Variants in PLA2G10 observed in about 807,000 individuals in gnomAD.
The protein encoded by PLA2G10 is group 10 secretory phospholipase A2.
A neutral mutation model predicts 7.9 loss-of-function variants in PLA2G10; 9 were observed. That is an observed-to-expected ratio of 1.14 (90% CI 0.68 to 1.98). PLA2G10 has a LOEUF of 1.98. Ranked by LOEUF, PLA2G10 falls within the 30% of genes most tolerant of loss-of-function variation. The pLI is 0.00. For synonymous variants in PLA2G10, 19 were observed against 27.5 expected (o/e 0.69, Z 0.97); for missense variants, 53 against 65.4 (o/e 0.81, Z 0.66).
chr16:14,672,772 G>A, intron 3 of PLA2G10, 23 bp from the exon 4 acceptor site: 2 of 1,613,078 alleles, frequency 1.2e-6, no homozygotes, highest in East Asian at 2.2e-5. Flanking sequence ...GGGAAACTGA[G>A]ATTAGAGCAG....
chr16:14,675,081 G>A (rs1228203302), intron 3 of PLA2G10, among the ~76,000 whole-genome samples: 1 of 151,886 alleles, frequency 6.6e-6, no homozygotes, highest in Non-Finnish European at 1.5e-5. Context: ...TGAGGCAGAA[G>A]GATCGCTTGA....
intron 3 of PLA2G10, among the ~76,000 whole-genome samples, chr16:14,677,898 G>C (rs1213011092): frequency 6.6e-6 from 1 of 150,462 alleles, no homozygotes; most frequent in Non-Finnish European, 1.5e-5. Context: ...TGGATGGATA[G>C]ATGGAAGAAT....
At chr16:14,676,255 T>A (rs1485943472) in intron 3 of PLA2G10, among the ~76,000 whole-genome samples, 1 of 152,214 alleles carries the variant, frequency 6.6e-6, no homozygotes, top group Non-Finnish European at 1.5e-5. Flanking sequence ...GCCATCCCAC[T>A]ACTAGGTATC....
At chr16:14,681,567 A>C (rs1180179828) in intron 3 of PLA2G10, among the ~76,000 whole-genome samples, 2 of 152,096 alleles carry the variant, frequency 1.3e-5, no homozygotes, top group Non-Finnish European at 2.9e-5. Flanking sequence ...CCCGAGGCTT[A>C]AGTTTAAAAT....
chr16:14,686,190 C>T (rs1171499939), intron 3 of PLA2G10, among the ~76,000 whole-genome samples: 1 of 151,952 alleles, frequency 6.6e-6, no homozygotes, highest in African/African-American at 2.4e-5. Flanking sequence ...GATAGGGTTT[C>T]ACCATGTTGC....
chr16:14,684,188 T>C (rs1370225239), intron 3 of PLA2G10, among the ~76,000 whole-genome samples: 2 of 150,020 alleles, frequency 1.3e-5, no homozygotes, highest in Non-Finnish European at 3.0e-5. Context: ...TGAAACCCCG[T>C]CTCTACTAAA....
chr16:14,685,366 G>A (rs1179719429), intron 3 of PLA2G10, among the ~76,000 whole-genome samples: 5 of 145,322 alleles, frequency 3.4e-5, no homozygotes, highest in Admixed American at 6.9e-5. Flanking sequence ...GTGAGATTTC[G>A]TGTCAAAAAA....
At chr16:14,686,154 G>A (rs745842187) in intron 3 of PLA2G10, among the ~76,000 whole-genome samples, 15 of 151,342 alleles carry the variant, frequency 9.9e-5, no homozygotes, top group Non-Finnish European at 1.2e-4. Flanking sequence ...CCACCACACC[G>A]TGCTAGTTTT....
intron 3 of PLA2G10, among the ~76,000 whole-genome samples, chr16:14,683,453 C>A (rs1960951845): frequency 6.6e-6 from 1 of 151,834 alleles, no homozygotes; most frequent in African/African-American, 2.4e-5. Flanking sequence ...CCTGGCTGGT[C>A]TCGAACTCCT....
At chr16:14,679,431 G>A (rs1007492603) in intron 3 of PLA2G10, among the ~76,000 whole-genome samples, 2 of 152,004 alleles carry the variant, frequency 1.3e-5, no homozygotes, top group African/African-American at 4.8e-5. Flanking sequence ...GGAGGCCGAG[G>A]CGGGCAGTTC....
chr16:14,685,512 T>C (rs1165354427), intron 3 of PLA2G10, among the ~76,000 whole-genome samples: 1 of 151,968 alleles, frequency 6.6e-6, no homozygotes, highest in Middle Eastern at 3.2e-3. Context: ...GGTAACCTGG[T>C]AAGTTTACCA....
chr16:14,677,688 C>T (rs1232355126), intron 3 of PLA2G10, among the ~76,000 whole-genome samples: 1 of 152,020 alleles, frequency 6.6e-6, no homozygotes, highest in Non-Finnish European at 1.5e-5. Flanking sequence ...CAGAAGAAAC[C>T]CCATTCCCCT....
At chr16:14,687,013 C>T (rs1555518375) in intron 3 of PLA2G10, among the ~76,000 whole-genome samples, 1 of 151,660 alleles carries the variant, frequency 6.6e-6, no homozygotes, top group Non-Finnish European at 1.5e-5. Flanking sequence ...GAGGCTGAGG[C>T]AGGAGAATCA....
At chr16:14,682,224 T>G (rs1161168903) in intron 3 of PLA2G10, among the ~76,000 whole-genome samples, 1 of 152,200 alleles carries the variant, frequency 6.6e-6, no homozygotes, top group Non-Finnish European at 1.5e-5. Flanking sequence ...ATCATATTAA[T>G]TCAGCTTTGC....
At chr16:14,686,582 C>A (rs1421903171) in intron 3 of PLA2G10, among the ~76,000 whole-genome samples, 1 of 152,156 alleles carries the variant, frequency 6.6e-6, no homozygotes, top group Non-Finnish European at 1.5e-5. Context: ...CTCACTGCAA[C>A]CTGTGCCTCC....
At chr16:14,679,529 ACATGCCTGTAATCC>A (rs1001719827) in intron 3 of PLA2G10, among the ~76,000 whole-genome samples, 2 of 151,958 alleles carry the variant, frequency 1.3e-5, no homozygotes, top group African/African-American at 4.8e-5. Context: ...GTGTGGTGGC[ACATGCCTGTAATCC>A]CAGCTACTAG....
intron 3 of PLA2G10, among the ~76,000 whole-genome samples, chr16:14,687,653 T>G (rs142442203): frequency 6.6e-4 from 100 of 152,024 alleles, no homozygotes; most frequent in East Asian, 2.1e-3. Flanking sequence ...AGACATCAAA[T>G]AATTAGGTTT....
intron 3 of PLA2G10, among the ~76,000 whole-genome samples, chr16:14,685,670 T>A (rs1042804870): frequency 2.0e-5 from 3 of 152,020 alleles, no homozygotes; most frequent in Non-Finnish European, 2.9e-5. Context: ...CATAGTTAAT[T>A]TTGTGTTATG....
chr16:14,672,776 A>C (rs1208195153), intron 3 of PLA2G10, 27 bp from the exon 4 acceptor site: 1 of 1,612,744 alleles, frequency 6.2e-7, no homozygotes, highest in African/African-American at 1.3e-5. Flanking sequence ...AACTGAGATT[A>C]GAGCAGGGAC....
Sources: allele counts gnomAD v4.1 joint callset (sites outside exome capture counted in the v4.1 genomes callset), GRCh38; gene constraint gnomAD v4.1.1; transcripts MANE v1.5; gene names NCBI Gene and HGNC (gene_info 2026-07-23, HGNC 2026-07-21).